Variants in WSCD2 observed in about 807,000 individuals in gnomAD.
The protein encoded by WSCD2 is WSC domain sialate O sulfotransferase 2, also known as sialate:O-sulfotransferase 2.
In WSCD2, 28 loss-of-function variants were observed where a neutral mutation model predicts 55.7. That is an observed-to-expected ratio of 0.50 (90% CI 0.37 to 0.69). WSCD2 has a LOEUF of 0.69. WSCD2 is among the 30% of genes least tolerant of loss of function. The pLI, the probability that WSCD2 is intolerant of heterozygous loss-of-function variation, is 0.00. For synonymous variants in WSCD2, 301 were observed against 301.9 expected (o/e 1.00, Z 0.03); for missense variants, 616 against 762.1 (o/e 0.81, Z 2.26).
intron 1 of WSCD2, among the ~76,000 whole-genome samples, chr12:108,133,385 G>A (rs1055106876): frequency 6.6e-6 from 1 of 152,120 alleles, no homozygotes; most frequent in Non-Finnish European, 1.5e-5. Flanking sequence ...GTACATGTGT[G>A]TTTTTCTGAG....
chr12:108,137,694 G>C (rs1043986539), intron 1 of WSCD2, among the ~76,000 whole-genome samples: 1 of 152,236 alleles, frequency 6.6e-6, no homozygotes, highest in African/African-American at 2.4e-5. Context: ...CTGGCCCCAA[G>C]AAATAGTTAA....
intron 1 of WSCD2, among the ~76,000 whole-genome samples, chr12:108,192,438 C>A (rs944779469): frequency 1.3e-5 from 2 of 152,164 alleles, no homozygotes; most frequent in African/African-American, 4.8e-5. Context: ...TCTGGAAGGG[C>A]TGGTGTCCCC....
At chr12:108,170,514 T>C (rs1473376437) in intron 1 of WSCD2, among the ~76,000 whole-genome samples, 1 of 152,204 alleles carries the variant, frequency 6.6e-6, no homozygotes, top group Admixed American at 6.5e-5. Context: ...TTTAATTTAC[T>C]AACTTATCTA....
intron 1 of WSCD2, among the ~76,000 whole-genome samples, chr12:108,142,138 C>A (rs1876887728): frequency 6.6e-6 from 1 of 152,134 alleles, no homozygotes; most frequent in Non-Finnish European, 1.5e-5. Context: ...TTTATTAGAA[C>A]ATTTTTATTT....
intron 8 of WSCD2, among the ~76,000 whole-genome samples, chr12:108,242,682 G>A (rs1479548185): frequency 5.3e-5 from 8 of 152,140 alleles, no homozygotes; most frequent in Non-Finnish European, 1.0e-4. Context: ...ATAGGTAAAC[G>A]TGTGCCGTGG....
intron 7 of WSCD2, among the ~76,000 whole-genome samples, chr12:108,238,607 A>G (rs940511690): frequency 5.9e-5 from 9 of 152,224 alleles, no homozygotes; most frequent in Admixed American, 3.3e-4. Context: ...TGTGGGCTTC[A>G]TTGACTTCTC....
At chr12:108,169,718 A>T (rs1880027866) in intron 1 of WSCD2, among the ~76,000 whole-genome samples, 1 of 152,170 alleles carries the variant, frequency 6.6e-6, no homozygotes, top group Non-Finnish European at 1.5e-5. Context: ...ATGTAGGGGA[A>T]CAGGGCACAG....
At chr12:108,161,571 A>G (rs1234249451) in intron 1 of WSCD2, among the ~76,000 whole-genome samples, 2 of 152,214 alleles carry the variant, frequency 1.3e-5, no homozygotes, top group Non-Finnish European at 2.9e-5. Context: ...CACAGCCCCC[A>G]GAGGGAACCA....
In WSCD2 at chr12:108,247,992, G is replaced by T; in HGVS notation, c.1347G>T (p.Glu449Asp). 1.9e-6 allele frequency: 3 copies of T among 1,610,564 alleles called. No homozygotes were observed. Among genetic ancestry groups the T allele is most frequent in the Non-Finnish European group, 2.5e-6 (3 of 1,177,194 alleles). ...FAAHAHWKGK[E>D]WPEFVRNYAP... ...GTGTCCTTTCTCCTCTCTCTGCAGA[G>T]TGGCCAGAGTTCGTGAGGAACTATG... The change falls in exon 9 of 9, where the codon GAG (glutamate) becomes GAT (aspartate). Residue 449 changes from glutamate (E) to aspartate (D), a missense_variant and splice_region_variant. By Grantham distance (45) the Glu-to-Asp change is conservative. Transcript: ENST00000547525.
chr12:108,235,189 C>G (rs1889156608), intron 7 of WSCD2, among the ~76,000 whole-genome samples: 1 of 152,146 alleles, frequency 6.6e-6, no homozygotes, highest in Non-Finnish European at 1.5e-5. Context: ...AATGTCAGTA[C>G]TGAACTCAAA....
At chr12:108,153,099 T>C (rs1878179146) in intron 1 of WSCD2, among the ~76,000 whole-genome samples, 1 of 69,646 alleles carries the variant, frequency 1.4e-5, no homozygotes, top group Non-Finnish European at 3.6e-5. Flanking sequence ...TGAGACTCTG[T>C]CTCAAACAAA....
chr12:108,247,181 A>G (rs951082274), intron 8 of WSCD2, among the ~76,000 whole-genome samples: 8 of 152,092 alleles, frequency 5.3e-5, no homozygotes, highest in Admixed American at 1.3e-4. Flanking sequence ...TGAGCAAATT[A>G]CTTAACCTCT....
intron 1 of WSCD2, among the ~76,000 whole-genome samples, chr12:108,145,485 C>T (rs1210956843): frequency 6.6e-6 from 1 of 152,188 alleles, no homozygotes; most frequent in Admixed American, 6.5e-5. Flanking sequence ...TACAACAAAA[C>T]TGTGGAGTTA....
chr12:108,166,543 T>C (rs1449699197), intron 1 of WSCD2, among the ~76,000 whole-genome samples: 4 of 152,132 alleles, frequency 2.6e-5, no homozygotes, highest in Non-Finnish European at 4.4e-5. Flanking sequence ...CACTTTGTCA[T>C]TGGCTCGCAG....
chr12:108,142,256 C>A (rs539679817), intron 1 of WSCD2, among the ~76,000 whole-genome samples: 1 of 152,250 alleles, frequency 6.6e-6, no homozygotes, highest in East Asian at 1.9e-4. Context: ...TTTGATTTTT[C>A]TTCTTATGGC....
intron 4 of WSCD2, among the ~76,000 whole-genome samples, chr12:108,224,110 C>T (rs899173323): frequency 2.0e-5 from 3 of 152,178 alleles, no homozygotes; most frequent in Non-Finnish European, 2.9e-5. Flanking sequence ...ACAATGGGCT[C>T]CAAATTTTTT....
At chr12:108,197,543 G>A (rs1382044924) in intron 2 of WSCD2, among the ~76,000 whole-genome samples, 1 of 152,140 alleles carries the variant, frequency 6.6e-6, no homozygotes, top group Non-Finnish European at 1.5e-5. Flanking sequence ...TGTAAAATGG[G>A]GATTTTACTG....
chr12:108,211,421 C>T (rs915489876), intron 4 of WSCD2, among the ~76,000 whole-genome samples: 1 of 152,112 alleles, frequency 6.6e-6, no homozygotes, highest in Non-Finnish European at 1.5e-5. Flanking sequence ...TTCTAAAGAG[C>T]TCCCAGGTGA....
At chr12:108,215,060 T>G (rs1886669641) in intron 4 of WSCD2, among the ~76,000 whole-genome samples, 2 of 152,238 alleles carry the variant, frequency 1.3e-5, no homozygotes, top group Admixed American at 1.3e-4. Flanking sequence ...ACCTGGAGGC[T>G]TCTTCTACTT....
Sources: allele counts gnomAD v4.1 joint callset (sites outside exome capture counted in the v4.1 genomes callset), GRCh38; gene constraint gnomAD v4.1.1; transcripts MANE v1.5; gene names NCBI Gene and HGNC (gene_info 2026-07-23, HGNC 2026-07-21).